Variants in NEDD4L observed in about 807,000 individuals in gnomAD.
NEDD4L encodes NEDD4 like E3 ubiquitin protein ligase.
NEDD4L carries 54 observed loss-of-function variants against 148.9 expected under a neutral mutation model. That is an observed-to-expected ratio of 0.36 (90% CI 0.29 to 0.45). The LOEUF (loss-of-function observed/expected upper bound fraction) is 0.45, where lower values mean the gene tolerates loss of function less well. Ranked by LOEUF, NEDD4L falls within the 20% of genes least tolerant of loss-of-function variation. The pLI, the probability that NEDD4L is intolerant of heterozygous loss-of-function variation, is 1.00. For missense variants in NEDD4L, 856 were observed against 1,233.8 expected, an observed-to-expected ratio of 0.69 and a Z score of 4.59; for synonymous variants, 433 against 440.7, an observed-to-expected ratio of 0.98 and a Z score of 0.22.
intron 30 of NEDD4L, among the ~76,000 whole-genome samples, chr18:58,392,150 G>T (rs1028803163): frequency 6.6e-6 from 1 of 152,238 alleles, no homozygotes; most frequent in East Asian, 1.9e-4. Context: ...CTGAACAGTT[G>T]CATGAAACCC....
At chr18:58,282,063 T>C (rs765004696) in intron 5 of NEDD4L, among the ~76,000 whole-genome samples, 8 of 149,626 alleles carry the variant, frequency 5.3e-5, no homozygotes, top group Non-Finnish European at 1.2e-4. Flanking sequence ...ATAAAATGTT[T>C]AATAAACATA....
chr18:58,275,790 CT>C (rs10706255), intron 5 of NEDD4L, among the ~76,000 whole-genome samples: 27,612 of 152,066 alleles, frequency 0.18, 2,633 homozygotes, highest in Non-Finnish European at 0.18. Flanking sequence ...GATGGAATGG[CT>C]GAGGGCAGGA....
intron 26 of NEDD4L, 97 bp downstream of exon 26, chr18:58,385,683 A>G: frequency 9.8e-7 from 1 of 1,021,202 alleles, no homozygotes; most frequent in Non-Finnish European, 1.5e-6. Context: ...GGAGCTGATC[A>G]GAGACAGAGG....
chr18:58,177,589 T>C (rs997392071), intron 2 of NEDD4L, among the ~76,000 whole-genome samples: 2 of 152,154 alleles, frequency 1.3e-5, no homozygotes, highest in African/African-American at 4.8e-5. Flanking sequence ...TGGGTGCAGC[T>C]TTGGGGAGGC....
chr18:58,206,863 C>T (rs1568386501), intron 2 of NEDD4L, among the ~76,000 whole-genome samples: 1 of 152,150 alleles, frequency 6.6e-6, no homozygotes, highest in African/African-American at 2.4e-5. Flanking sequence ...ATTGCATCCC[C>T]ACCTGGGCAC....
At chr18:58,169,265 C>T (rs504098) in intron 2 of NEDD4L, among the ~76,000 whole-genome samples, 72,811 of 152,116 alleles carry the variant, frequency 0.48, 17,822 homozygotes, top group Admixed American at 0.58. Context: ...AACCGAGCCG[C>T]GACTCCACTT....
At chr18:58,050,341 A>T (rs905488021) in intron 1 of NEDD4L, among the ~76,000 whole-genome samples, 1 of 151,738 alleles carries the variant, frequency 6.6e-6, no homozygotes, top group Non-Finnish European at 1.5e-5. Flanking sequence ...GTGGTGGTGG[A>T]CACCTGTAAT....
At chr18:58,307,205 T>C (rs1412953599) in intron 5 of NEDD4L, among the ~76,000 whole-genome samples, 1 of 152,030 alleles carries the variant, frequency 6.6e-6, no homozygotes, top group Non-Finnish European at 1.5e-5. Context: ...GGGTGGAGCC[T>C]TGGGAAGTTG....
intron 5 of NEDD4L, among the ~76,000 whole-genome samples, chr18:58,288,064 T>C (rs2054189300): frequency 2.0e-5 from 3 of 152,322 alleles, no homozygotes; most frequent in Middle Eastern, 3.4e-3. Context: ...CCTGACTAAT[T>C]TGCCCACCCA....
intron 1 of NEDD4L, among the ~76,000 whole-genome samples, chr18:58,085,554 C>T (rs762538895): frequency 3.9e-5 from 6 of 152,130 alleles, no homozygotes; most frequent in African/African-American, 7.2e-5. Flanking sequence ...AAAAGCAAAG[C>T]GAACCCAAGC....
chr18:58,382,723 A>G (rs559742388), intron 24 of NEDD4L, among the ~76,000 whole-genome samples: 39 of 152,292 alleles, frequency 2.6e-4, no homozygotes, highest in Admixed American at 7.8e-4. Context: ...AAGGCGTCCA[A>G]TGCAAATAAA....
chr18:58,073,686 G>A (rs1475175405), intron 1 of NEDD4L, among the ~76,000 whole-genome samples: 1 of 152,192 alleles, frequency 6.6e-6, no homozygotes, highest in Admixed American at 6.5e-5. Context: ...GTTAATATGT[G>A]CTGGAGGCTG....
intron 1 of NEDD4L, among the ~76,000 whole-genome samples, chr18:58,141,913 A>G (rs1759765777): frequency 6.6e-6 from 1 of 152,054 alleles, no homozygotes; most frequent in African/African-American, 2.4e-5. Flanking sequence ...TGTGAAAACA[A>G]CGCTGTTTTG....
At position 58,044,568 on chromosome 18, in the gene NEDD4L, C is replaced by CGGGGGGACCTGGAGGCAGAG. The variant is rs2081485188; in HGVS notation, c.-89_-70dup. The CGGGGGGACCTGGAGGCAGAG allele has an allele frequency of 2.1e-6, 3 of 1,412,630 alleles. No homozygotes were observed. The African/African-American group carries it at 4.5e-5, about 21-fold the overall frequency. 87.5% of individuals were successfully genotyped at this position (1,412,630 alleles called of 1,614,324 possible). A position where few individuals can be genotyped will look rare whatever the true frequency, so the allele number is the denominator to read the frequency against. On this transcript the variant is annotated 5_prime_UTR_variant, in exon 1 of 31. Transcript: ENST00000400345. ...GCGTGCGCAGGGTAGGGTGCGGGACCGGGGGGACCTGGAGGCAGAGGGGAG... is the reference window on the plus strand; with the variant it reads ...GCGTGCGCAGGGTAGGGTGCGGGACCGGGGGGACCTGGAGGCAGAGGGGGGGACCTGGAGGCAGAGGGGAG...
chr18:58,054,714 C>T (rs2082019654), intron 1 of NEDD4L: 1 of 152,308 alleles, frequency 6.6e-6, no homozygotes, highest in Non-Finnish European at 1.5e-5. Flanking sequence ...TAATTATTGT[C>T]AGTAACTTGG....
chr18:58,397,959 A>C lies in NEDD4L; in HGVS notation c.*1690A>C, dbSNP rs2050598478. On this transcript the variant is annotated 3_prime_UTR_variant, in exon 31 of 31. Coordinates refer to ENST00000400345, the MANE Select transcript of NEDD4L (RefSeq NM_001144967.3). The stretch of plus-strand genomic sequence containing the variant: ...ATAAAAAGGACCTTTCGGTGTAAGA[A>C]ATTGCCGTTTTTACCCTGCCCTGGC... 2 of 152,194 alleles carry C rather than the reference A, an allele frequency of 1.3e-5. No homozygotes were observed. Among genetic ancestry groups the C allele is most frequent in the Admixed American group, 1.3e-4 (2 of 15,252 alleles). The allele number at this position is 152,194 out of a possible 1,614,324, so 9.4% of individuals were successfully genotyped here. A position where few individuals can be genotyped will look rare whatever the true frequency, so the allele number is the denominator to read the frequency against.
chr18:58,303,629 G>A (rs997533427), intron 5 of NEDD4L, among the ~76,000 whole-genome samples: 4 of 152,172 alleles, frequency 2.6e-5, no homozygotes, highest in African/African-American at 9.7e-5. Flanking sequence ...AAATACTCTG[G>A]TACATGGAGC....
intron 2 of NEDD4L, among the ~76,000 whole-genome samples, chr18:58,201,142 G>C (rs2041358396): frequency 6.6e-6 from 1 of 152,194 alleles, no homozygotes; most frequent in African/African-American, 2.4e-5. Flanking sequence ...AGGCCACCCT[G>C]GCCAACGTGG....
intron 1 of NEDD4L, among the ~76,000 whole-genome samples, chr18:58,096,195 A>G (rs2084382788): frequency 6.6e-6 from 1 of 151,980 alleles, no homozygotes; most frequent in African/African-American, 2.4e-5. Context: ...TGTACAGGGT[A>G]CTTTATAACC....
Sources: allele counts gnomAD v4.1 joint callset (sites outside exome capture counted in the v4.1 genomes callset), GRCh38; gene constraint gnomAD v4.1.1; transcripts MANE v1.5; gene names NCBI Gene and HGNC (gene_info 2026-07-23, HGNC 2026-07-21).